The following ROBO2 variants were observed in gnomAD, a reference collection of about 807,000 sequenced individuals.
ROBO2 encodes the protein roundabout homolog 2.
In ROBO2, 53 loss-of-function variants were observed where a neutral mutation model predicts 160.8. The observed-to-expected ratio is 0.33, with a 90% confidence interval of 0.26 to 0.41. The LOEUF (loss-of-function observed/expected upper bound fraction) is 0.41, where lower values mean the gene tolerates loss of function less well. Among genes scored for constraint, ROBO2 ranks in the 10% least tolerant of loss-of-function variants. The pLI, the probability that ROBO2 is intolerant of heterozygous loss-of-function variation, is 1.00. For synonymous variants in ROBO2, 664 were observed against 611.7 expected (o/e 1.09, Z -1.26); for missense variants, 1,577 against 1,722.4 (o/e 0.92, Z 1.49).
At chr3:76,454,632 C>T (rs544903027) in intron 2 of ROBO2, among the ~76,000 whole-genome samples, 4 of 152,202 alleles carry the variant, frequency 2.6e-5, no homozygotes, top group African/African-American at 9.6e-5. Context: ...ATTACTTTTC[C>T]ATCAACTGTT....
chr3:77,212,325 C>A (rs1482715282), intron 2 of ROBO2, among the ~76,000 whole-genome samples: 1 of 152,068 alleles, frequency 6.6e-6, no homozygotes, highest in African/African-American at 2.4e-5. Context: ...GTATTTTATT[C>A]TCTTTGAAGC....
intron 2 of ROBO2, among the ~76,000 whole-genome samples, chr3:77,259,228 TTCTC>T (rs1224324640): frequency 6.6e-6 from 1 of 152,230 alleles, no homozygotes; most frequent in Non-Finnish European, 1.5e-5. Flanking sequence ...ACAGAATTTC[TTCTC>T]TCTCTGAGAT....
At chr3:76,619,113 G>A (rs1411971559) in intron 2 of ROBO2, among the ~76,000 whole-genome samples, 1 of 151,750 alleles carries the variant, frequency 6.6e-6, no homozygotes, top group Non-Finnish European at 1.5e-5. Context: ...GGCCGAGGCG[G>A]GCGGATCACG....
chr3:76,877,393 G>T (rs763794428), intron 2 of ROBO2, among the ~76,000 whole-genome samples: 19 of 152,180 alleles, frequency 1.2e-4, no homozygotes, highest in Non-Finnish European at 2.5e-4. Flanking sequence ...CTCTAAGGTT[G>T]TGGAATCTTT....
intron 2 of ROBO2, among the ~76,000 whole-genome samples, chr3:76,946,592 G>A (rs920158440): frequency 1.3e-5 from 2 of 151,778 alleles, no homozygotes; most frequent in Admixed American, 6.6e-5. Context: ...CGCCCACCAC[G>A]GCATCCGGCT....
intron 2 of ROBO2, among the ~76,000 whole-genome samples, chr3:76,474,816 G>T (rs768173178): frequency 7.2e-5 from 11 of 152,042 alleles, no homozygotes; most frequent in Non-Finnish European, 4.4e-5. Context: ...CTGCAGATTC[G>T]AAACTGACTA....
chr3:77,203,247 A>G (rs2083085424), intron 2 of ROBO2, among the ~76,000 whole-genome samples: 1 of 152,202 alleles, frequency 6.6e-6, no homozygotes, highest in Admixed American at 6.5e-5. Flanking sequence ...TTTTTGCTAG[A>G]TCACTTTATC....
rs556735715 is a variant in ROBO2, at chr3:76,695,384, G to C, written c.110-402630G>C. The stretch of plus-strand genomic sequence containing the variant: ...GTTTCTTAGTAGGCCGTCTTCATAA[G>C]TAATTATTACTACCTTTGAAATTCT... On this transcript the variant is annotated intron_variant, in intron 2 of 26. Coordinates refer to the ROBO2 transcript ENST00000487694. 1.6e-4 allele frequency among the ~76,000 whole-genome samples: 25 copies of C among 152,062 alleles called. No homozygotes were observed. In the South Asian group the frequency reaches 4.8e-3, roughly 29 times the overall value.
intron 2 of ROBO2, among the ~76,000 whole-genome samples, chr3:76,201,004 A>G (rs1331493470): frequency 6.6e-6 from 1 of 152,080 alleles, no homozygotes; most frequent in Non-Finnish European, 1.5e-5. Flanking sequence ...TTTCCACTTT[A>G]AACATTCGTA....
At chr3:76,668,659 A>C (rs2092146902) in intron 2 of ROBO2, among the ~76,000 whole-genome samples, 1 of 152,294 alleles carries the variant, frequency 6.6e-6, no homozygotes, top group African/African-American at 2.4e-5. Context: ...GACAGGGCAT[A>C]AATTTCAGAA....
At position 76,031,429 on chromosome 3, in the gene ROBO2, C is replaced by G. The variant is rs575434110; in HGVS notation, c.109+93827C>G. On this transcript the variant is annotated intron_variant, in intron 2 of 26. Coordinates refer to the ROBO2 transcript ENST00000487694. Reference sequence around the variant, plus strand: ...ATAGGAGTGGTGAGAGAAGGCATCCCTGTCTTGTGCCAGTTTTCAAAGGGA... The same window carrying G: ...ATAGGAGTGGTGAGAGAAGGCATCCGTGTCTTGTGCCAGTTTTCAAAGGGA... 4.9e-4 allele frequency among the ~76,000 whole-genome samples: 75 copies of G among 152,272 alleles called. 1 individual carries two copies. Among genetic ancestry groups the G allele is most frequent in the African/African-American group, 1.7e-3 (69 of 41,554 alleles).
chr3:77,265,751 T>C (rs984039615), intron 2 of ROBO2, among the ~76,000 whole-genome samples: 2 of 152,180 alleles, frequency 1.3e-5, no homozygotes, highest in Admixed American at 6.6e-5. Context: ...TCTAATATGT[T>C]TCATGAAGTA....
At chr3:76,910,837 T>A (rs2075950731) in intron 2 of ROBO2, among the ~76,000 whole-genome samples, 1 of 152,082 alleles carries the variant, frequency 6.6e-6, no homozygotes, top group South Asian at 2.1e-4. Flanking sequence ...TAAAATATTT[T>A]TCATGTGTTT....
In ROBO2 at chr3:75,963,927, G is replaced by T. The variant is rs554422290; in HGVS notation, c.109+26325G>T. 4.0e-5 allele frequency among the ~76,000 whole-genome samples: 6 copies of T among 151,814 alleles called. No homozygotes were observed. The South Asian group carries it at 1.2e-3, about 31-fold the overall frequency. ...TATCGGATTAGGACCCACCCCGAGG[G>T]CCTCATTTTAACTGAATTCTTATTT... On this transcript the variant is annotated intron_variant, in intron 2 of 26. Coordinates refer to the ROBO2 transcript ENST00000487694.
intron 2 of ROBO2, among the ~76,000 whole-genome samples, chr3:76,328,136 T>G (rs145684183): frequency 7.8e-4 from 119 of 152,334 alleles, no homozygotes; most frequent in African/African-American, 2.7e-3. Flanking sequence ...CTACAAATCA[T>G]CCAAAAGTGA....
intron 2 of ROBO2, among the ~76,000 whole-genome samples, chr3:76,024,389 C>A (rs948160604): frequency 2.0e-5 from 3 of 150,492 alleles, no homozygotes; most frequent in Non-Finnish European, 4.5e-5. Flanking sequence ...TTTTTAAAAA[C>A]CTTGAGTCGA....
chr3:77,461,751 CAG>C (rs1560902214), intron 2 of ROBO2, among the ~76,000 whole-genome samples: 2 of 146,770 alleles, frequency 1.4e-5, no homozygotes, highest in Non-Finnish European at 3.0e-5. Flanking sequence ...TTTTTTGAGA[CAG>C]AGTCTCTCTC....
At chr3:77,050,306 C>G (rs1051443306) in intron 1 of ROBO2, among the ~76,000 whole-genome samples, 1 of 152,108 alleles carries the variant, frequency 6.6e-6, no homozygotes, top group African/African-American at 2.4e-5. Flanking sequence ...ATTTCACCTT[C>G]CTCATCTTAA....
intron 2 of ROBO2, among the ~76,000 whole-genome samples, chr3:76,117,475 A>G (rs917949546): frequency 6.6e-6 from 1 of 152,198 alleles, no homozygotes; most frequent in African/African-American, 2.4e-5. Flanking sequence ...CACCAAGTTT[A>G]ACAAGAATGT....
Sources: allele counts gnomAD v4.1 joint callset (sites outside exome capture counted in the v4.1 genomes callset), GRCh38; gene constraint gnomAD v4.1.1; transcripts MANE v1.5; gene names NCBI Gene and HGNC (gene_info 2026-07-23, HGNC 2026-07-21).